Variants in CLASP1 observed in about 807,000 individuals in gnomAD.
CLASP1 encodes the protein CLIP-associating protein 1.
CLASP1 carries 38 observed loss-of-function variants against 192.3 expected under a neutral mutation model. The observed-to-expected ratio is 0.20, with a 90% CI of 0.15 to 0.26. The LOEUF (loss-of-function observed/expected upper bound fraction) is 0.26. Among genes scored for constraint, CLASP1 ranks in the 10% least tolerant of loss-of-function variants. The probability of loss-of-function intolerance (pLI) is 1.00; values close to 1 mark genes in which losing one functional copy is unlikely to be tolerated. For missense variants in CLASP1, 1,433 were observed against 1,932.5 expected, an observed-to-expected ratio of 0.74 and a Z score of 4.85; for synonymous variants, 691 against 712.8, an observed-to-expected ratio of 0.97 and a Z score of 0.49.
intron 13 of CLASP1, among the ~76,000 whole-genome samples, chr2:121,458,229 GC>G (rs2087105188): frequency 6.6e-6 from 1 of 152,186 alleles, no homozygotes; most frequent in Non-Finnish European, 1.5e-5. Context: ...ACATCATCAA[GC>G]CTCAAAGTTT....
chr2:121,384,086 G>GTATATATACACACATATATATGTATA (rs1351585910), intron 32 of CLASP1, among the ~76,000 whole-genome samples: 33 of 98,736 alleles, frequency 3.3e-4, no homozygotes, highest in South Asian at 6.2e-4. Context: ...ACATATATAT[G>GTATATATACACACATATATATGTATA]TATATATACA....
intron 2 of CLASP1, among the ~76,000 whole-genome samples, chr2:121,598,741 G>C (rs144658962): frequency 1.3e-5 from 2 of 152,186 alleles, no homozygotes; most frequent in Non-Finnish European, 2.9e-5. Context: ...GAACATACCT[G>C]AAACTAAGTA....
At chr2:121,470,418 A>T in intron 8 of CLASP1, 1 of 426,082 alleles carries the variant, frequency 2.3e-6, no homozygotes, top group Non-Finnish European at 4.5e-6. Context: ...CCTGGTACAC[A>T]CTTTAAACTA....
intron 2 of CLASP1, among the ~76,000 whole-genome samples, chr2:121,586,836 ACTG>A (rs1322237325): frequency 6.6e-6 from 1 of 152,190 alleles, no homozygotes; most frequent in Non-Finnish European, 1.5e-5. Context: ...TGTGAAGCGC[ACTG>A]CTTTCTCCCA....
intron 2 of CLASP1, chr2:121,530,813 G>A (rs945184970): frequency 9.5e-6 from 6 of 629,316 alleles, no homozygotes; most frequent in Admixed American, 2.4e-5. Context: ...CGAGGCTCAC[G>A]AATTAATTAC....
chr2:121,417,706 G>T (rs1157203643), intron 23 of CLASP1, among the ~76,000 whole-genome samples: 1 of 152,174 alleles, frequency 6.6e-6, no homozygotes, highest in Non-Finnish European at 1.5e-5. Context: ...AATACATCTA[G>T]ATTTTGATTA....
chr2:121,476,936 G>A (rs1055934001), intron 8 of CLASP1, among the ~76,000 whole-genome samples: 3 of 152,210 alleles, frequency 2.0e-5, no homozygotes, highest in Non-Finnish European at 4.4e-5. Flanking sequence ...TGAATTTGCA[G>A]AGCTCCAAAC....
chr2:121,636,374 T>TAATAATAATAATAAA (rs1392087487), intron 1 of CLASP1, among the ~76,000 whole-genome samples: 8 of 142,372 alleles, frequency 5.6e-5, no homozygotes, highest in African/African-American at 1.8e-4. Flanking sequence ...ATAATAATAA[T>TAATAATAATAATAAA]AAATTTTAGG....
rs549457544 is a variant in CLASP1 at position 121,349,974 on chromosome 2, T to G, written c.4207-1256A>C. Among the ~76,000 whole-genome samples, 6 of 152,224 alleles carry G rather than the reference T, an allele frequency of 3.9e-5. No individual in the cohort carries two copies. In the South Asian group the frequency reaches 1.2e-3, roughly 32 times the overall value. On this transcript the variant is annotated intron_variant, in intron 37 of 39. Transcript: ENST00000263710. ...ACAGGGACGTCACAGAGATAAATGG[T>G]GAGCAGTACTCAAGATATAGTCAGT...
chr2:121,447,518 AAAG>A lies in CLASP1; in HGVS notation c.1742-14_1742-12del. 2 of 1,547,052 alleles carry A rather than the reference AAAG, an allele frequency of 1.3e-6. No individual in the cohort carries two copies. Among genetic ancestry groups the A allele is most frequent in the South Asian group, 1.2e-5 (1 of 83,682 alleles). On this transcript the variant is annotated splice_polypyrimidine_tract_variant and intron_variant, in intron 18 of 39. Transcript: ENST00000263710. ...TACTAACTGTAGAAGCTTTAGTGAT[AAAG>A]GAGGAAATATGAATAAGGACTACAT...
chr2:121,630,805 A>C (rs2069405172), intron 1 of CLASP1, among the ~76,000 whole-genome samples: 1 of 150,008 alleles, frequency 6.7e-6, no homozygotes, highest in Admixed American at 6.7e-5. Context: ...GGTTGCAGTG[A>C]GCCAAGATCT....
chr2:121,469,691 C>T, intron 9 of CLASP1, 117 bp downstream of exon 9: 24 of 951,862 alleles, frequency 2.5e-5, no homozygotes, highest in Non-Finnish European at 3.6e-5. Context: ...CAGGCAGAAA[C>T]CTGCTGCATA....
At chr2:121,347,122 C>T in exon 39 of CLASP1, 4 of 1,581,524 alleles carry the variant, frequency 2.5e-6, no homozygotes, top group Non-Finnish European at 3.4e-6. Context: ...ACACGCTGGC[C>T]TTACGCACAC....
chr2:121,398,506 C>G (rs1559035665), intron 28 of CLASP1, 106 bp from the exon 30 acceptor site: 4 of 732,330 alleles, frequency 5.5e-6, no homozygotes, highest in Non-Finnish European at 8.9e-6. Context: ...ATGTAAAACC[C>G]TGTTCACATT....
At chr2:121,591,879 T>C (rs1349856472) in intron 2 of CLASP1, among the ~76,000 whole-genome samples, 2 of 152,212 alleles carry the variant, frequency 1.3e-5, no homozygotes, top group African/African-American at 4.8e-5. Context: ...GCTCCTTCTT[T>C]GCCCCTCCCC....
At chr2:121,347,629 T>A (rs112921559) in intron 38 of CLASP1, among the ~76,000 whole-genome samples, 7,752 of 152,278 alleles carry the variant, frequency 0.051, 661 homozygotes, top group African/African-American at 0.18. Context: ...CTGGGGAACG[T>A]CTGGTCCCAC....
At chr2:121,487,644 G>A (rs1379762790) in intron 8 of CLASP1, among the ~76,000 whole-genome samples, 3 of 152,146 alleles carry the variant, frequency 2.0e-5, no homozygotes, top group Non-Finnish European at 4.4e-5. Context: ...CTTCTGCCAT[G>A]TTTCCACAGA....
chr2:121,606,997 A>G (rs2064510657), intron 1 of CLASP1, among the ~76,000 whole-genome samples: 1 of 151,988 alleles, frequency 6.6e-6, no homozygotes, highest in South Asian at 2.1e-4. Flanking sequence ...CAGAGCTTGC[A>G]GTGAGCCGAG....
chr2:121,444,659 C>T (rs1207271277), intron 19 of CLASP1, among the ~76,000 whole-genome samples: 2 of 152,184 alleles, frequency 1.3e-5, no homozygotes, highest in African/African-American at 4.8e-5. Context: ...GACATCAATG[C>T]TCCTCCCCAG....
Sources: gnomAD v4.1 joint callset for allele counts (sites outside exome capture counted in the v4.1 genomes callset) on GRCh38, gnomAD v4.1.1 for gene constraint, MANE v1.5 for transcripts, NCBI Gene and HGNC (gene_info 2026-07-23, HGNC 2026-07-21) for gene names.